The following SLC25A26 variants were observed in gnomAD, a reference collection of about 807,000 sequenced individuals.
SLC25A26 encodes solute carrier family 25 member 26, also known as mitochondrial S-adenosylmethionine carrier protein.
A neutral mutation model predicts 37.8 loss-of-function variants in SLC25A26; 36 were observed. That is an observed-to-expected ratio of 0.95 (90% CI 0.73 to 1.26). SLC25A26 has a LOEUF of 1.26. Among genes scored for constraint, SLC25A26 ranks in the 50% most tolerant of loss-of-function variants. SLC25A26 has a pLI of 0.00. For missense variants in SLC25A26, 390 were observed against 331.1 expected, an observed-to-expected ratio of 1.18 and a Z score of -1.38; for synonymous variants, 129 against 122.5, an observed-to-expected ratio of 1.05 and a Z score of -0.35.
chr3:66,286,696 C>G (rs912276500), intron 5 of SLC25A26, among the ~76,000 whole-genome samples: 2 of 151,924 alleles, frequency 1.3e-5, no homozygotes, highest in African/African-American at 2.4e-5. Flanking sequence ...TTCTTTTTCT[C>G]GAGACAAGGG....
rs537222115 is a variant in SLC25A26 at position 66,361,235 on chromosome 3, A to G, written c.499-1625A>G. ...TCAATCTACATATTGTACCATATAT[A>G]AAAATTAACTCAAAATGGATGATAG... On this transcript the variant is annotated intron_variant, in intron 6 of 9. Coordinates refer to ENST00000354883, the MANE Select transcript of SLC25A26 (RefSeq NM_001379210.1). Among the ~76,000 whole-genome samples the G allele has an allele frequency of 2.0e-5, 3 of 152,328 alleles. No individual in the cohort carries two copies. The South Asian group carries it at 6.2e-4, about 32-fold the overall frequency.
At chr3:66,299,986 C>CT (rs2075024752) in intron 5 of SLC25A26, among the ~76,000 whole-genome samples, 1 of 152,114 alleles carries the variant, frequency 6.6e-6, no homozygotes, top group Non-Finnish European at 1.5e-5. Context: ...CCATCTGGAA[C>CT]TTTATTTTCT....
chr3:66,201,437 G>A (rs1414333946), intron 1 of SLC25A26, among the ~76,000 whole-genome samples: 2 of 152,094 alleles, frequency 1.3e-5, no homozygotes, highest in East Asian at 3.9e-4. Flanking sequence ...AGGCTCAGGT[G>A]ATCCTACCAC....
chr3:66,303,280 A>C (rs1022317374), intron 5 of SLC25A26, among the ~76,000 whole-genome samples: 1 of 152,184 alleles, frequency 6.6e-6, no homozygotes, highest in Non-Finnish European at 1.5e-5. Context: ...CCCCCTCTCT[A>C]GTCAAGCACA....
chr3:66,262,576 G>A (rs2073572089), intron 4 of SLC25A26, among the ~76,000 whole-genome samples: 1 of 152,168 alleles, frequency 6.6e-6, no homozygotes, highest in South Asian at 2.1e-4. Context: ...TGTATTTGAA[G>A]CTGTCAGTCA....
chr3:66,367,693 CAG>C (rs2076852988), intron 7 of SLC25A26, among the ~76,000 whole-genome samples: 3 of 144,110 alleles, frequency 2.1e-5, no homozygotes, highest in African/African-American at 8.7e-5. Flanking sequence ...GACAGACAGA[CAG>C]ACAGACAGAC....
chr3:66,368,578 G>A (rs1188531967), intron 7 of SLC25A26, among the ~76,000 whole-genome samples: 1 of 152,216 alleles, frequency 6.6e-6, no homozygotes, highest in Non-Finnish European at 1.5e-5. Flanking sequence ...TCAGGAGCCC[G>A]TGAAACACAA....
At chr3:66,229,156 G>A (rs2071893426) in intron 1 of SLC25A26, among the ~76,000 whole-genome samples, 1 of 152,180 alleles carries the variant, frequency 6.6e-6, no homozygotes, top group South Asian at 2.1e-4. Flanking sequence ...AAAAATAGTA[G>A]TTTATTGATA....
At chr3:66,300,813 A>G (rs1238273570) in intron 5 of SLC25A26, among the ~76,000 whole-genome samples, 1 of 152,216 alleles carries the variant, frequency 6.6e-6, no homozygotes, top group Non-Finnish European at 1.5e-5. Context: ...AATGATTGCT[A>G]ACACGTGTAT....
intron 1 of SLC25A26, among the ~76,000 whole-genome samples, chr3:66,175,140 T>TATATACAC (rs1413714739): frequency 1.9e-3 from 126 of 66,962 alleles, no homozygotes; most frequent in African/African-American, 7.6e-3. Flanking sequence ...TATATATATA[T>TATATACAC]ACACACACAC....
chr3:66,169,058 G>A (rs148536535), intron 1 of SLC25A26, among the ~76,000 whole-genome samples: 2 of 152,180 alleles, frequency 1.3e-5, no homozygotes, highest in South Asian at 2.1e-4. Flanking sequence ...CCAGGTGTTC[G>A]AGGCTGCAGT....
At chr3:66,299,311 G>C (rs2075002861) in intron 5 of SLC25A26, among the ~76,000 whole-genome samples, 2 of 152,058 alleles carry the variant, frequency 1.3e-5, no homozygotes, top group Admixed American at 1.3e-4. Context: ...TCATGTCTCA[G>C]CCTCCCGAGT....
chr3:66,371,010 A>T (rs1700317733), intron 9 of SLC25A26, among the ~76,000 whole-genome samples: 1 of 152,244 alleles, frequency 6.6e-6, no homozygotes, highest in Non-Finnish European at 1.5e-5. Flanking sequence ...AACATACCAT[A>T]GTGCAGGTGG....
chr3:66,369,622 A>C, intron 8 of SLC25A26, 80 bp downstream of exon 8: 1 of 1,228,292 alleles, frequency 8.1e-7, no homozygotes, highest in Non-Finnish European at 1.2e-6. Context: ...TATAAAGTGA[A>C]CACAAATGGC....
intron 5 of SLC25A26, among the ~76,000 whole-genome samples, chr3:66,299,083 C>T (rs2074994247): frequency 6.6e-6 from 1 of 152,004 alleles, no homozygotes; most frequent in African/African-American, 2.4e-5. Context: ...TGAATACGTA[C>T]CTATGTATAC....
intron 1 of SLC25A26, among the ~76,000 whole-genome samples, chr3:66,180,492 TGG>T (rs1395783765): frequency 1.3e-5 from 2 of 152,146 alleles, no homozygotes; most frequent in Non-Finnish European, 2.9e-5. Flanking sequence ...GAGGGAAAGG[TGG>T]GACAGATCTT....
intron 5 of SLC25A26, among the ~76,000 whole-genome samples, chr3:66,324,797 G>GTTTT (rs397805698): frequency 3.0e-4 from 44 of 147,270 alleles, no homozygotes; most frequent in Admixed American, 2.0e-3. Flanking sequence ...GTAAGCACAG[G>GTTTT]TTTTTTTTTT....
intron 1 of SLC25A26, among the ~76,000 whole-genome samples, chr3:66,204,123 T>G (rs929262684): frequency 2.0e-5 from 3 of 152,084 alleles, no homozygotes; most frequent in Non-Finnish European, 4.4e-5. Flanking sequence ...GGAGGAAACT[T>G]GCATGAAAAT....
intron 3 of SLC25A26, among the ~76,000 whole-genome samples, chr3:66,252,154 A>G (rs1423065115): frequency 6.6e-6 from 1 of 152,248 alleles, no homozygotes; most frequent in Non-Finnish European, 1.5e-5. Context: ...GCCACTTCCA[A>G]GCGAGCCTGA....
Sources: allele counts gnomAD v4.1 joint callset (sites outside exome capture counted in the v4.1 genomes callset), GRCh38; gene constraint gnomAD v4.1.1; transcripts MANE v1.5; gene names NCBI Gene and HGNC (gene_info 2026-07-23, HGNC 2026-07-21).